TYW1B: variants seen among roughly 807,000 people sequenced by gnomAD.
TYW1B encodes the protein tRNA-yW synthesizing protein 1 homolog B.
Under a neutral mutation model 86.9 loss-of-function variants are expected in TYW1B, and 73 were observed. The ratio of observed to expected loss-of-function variants is 0.84; its 90% CI spans 0.70 to 1.02. The LOEUF is 1.02. Ranked by LOEUF, TYW1B falls within the 50% of genes least tolerant of loss-of-function variation. The pLI, the probability that TYW1B is intolerant of heterozygous loss-of-function variation, is 0.00. For missense variants in TYW1B, 637 were observed against 827.4 expected, an observed-to-expected ratio of 0.77 and a Z score of 2.82; for synonymous variants, 248 against 292.8, an observed-to-expected ratio of 0.85 and a Z score of 1.56.
At chr7:72,693,880 A>G (rs1316732187) in intron 11 of TYW1B, among the ~76,000 whole-genome samples, 6 of 152,228 alleles carry the variant, frequency 3.9e-5, no homozygotes, top group Admixed American at 3.3e-4. Flanking sequence ...ACTACATATT[A>G]TAAGTAATGT....
intron 7 of TYW1B, among the ~76,000 whole-genome samples, chr7:72,748,339 G>A (rs1787432447): frequency 6.6e-6 from 1 of 152,004 alleles, no homozygotes. Context: ...GCTGAACTCA[G>A]GTTCTAGGAA....
At chr7:72,752,013 A>G (rs1787509040) in intron 7 of TYW1B, among the ~76,000 whole-genome samples, 1 of 152,208 alleles carries the variant, frequency 6.6e-6, no homozygotes, top group South Asian at 2.1e-4. Flanking sequence ...CTTTTGTGGC[A>G]GCTTGTCTGG....
At chr7:72,577,071 G>C (rs1240305853) in intron 13 of TYW1B, among the ~76,000 whole-genome samples, 1 of 151,822 alleles carries the variant, frequency 6.6e-6, no homozygotes, top group African/African-American at 2.4e-5. Flanking sequence ...AGGTTGCAGT[G>C]AGCCAAGACC....
At position 72,773,908 on chromosome 7, in the gene TYW1B, T is replaced by C. The variant is rs192898341; in HGVS notation, c.964+3508A>G. Among the ~76,000 whole-genome samples the C allele has an allele frequency of 9.9e-5, 15 of 151,544 alleles. No homozygotes were observed. In the East Asian group the frequency reaches 2.9e-3, roughly 29 times the overall value. ...GGTGAAACCCTGTCTCTACTAAAAA[T>C]ACAAAAATTAGCCAGGTGTGGTGGC... On this transcript the variant is annotated intron_variant, in intron 7 of 13. Transcript: ENST00000620995.
chr7:72,806,455 C>T (rs1199334595), intron 5 of TYW1B, among the ~76,000 whole-genome samples: 1 of 151,972 alleles, frequency 6.6e-6, no homozygotes, highest in Non-Finnish European at 1.5e-5. Context: ...AGCATGGTCT[C>T]GAACTCTTGA....
At chr7:72,705,454 T>C (rs1453940178) in intron 10 of TYW1B, among the ~76,000 whole-genome samples, 2 of 152,010 alleles carry the variant, frequency 1.3e-5, no homozygotes, top group Admixed American at 1.3e-4. Flanking sequence ...GAGCAGGAGG[T>C]GAGTCTGAGA....
At chr7:72,605,594 C>T (rs1370596329) in intron 13 of TYW1B, among the ~76,000 whole-genome samples, 15 of 152,212 alleles carry the variant, frequency 9.9e-5, no homozygotes, top group African/African-American at 2.2e-4. Flanking sequence ...CCTCATGATC[C>T]GCCCACTTCG....
chr7:72,633,512 A>G (rs1812593170), intron 11 of TYW1B, among the ~76,000 whole-genome samples: 1 of 152,234 alleles, frequency 6.6e-6, no homozygotes, highest in Non-Finnish European at 1.5e-5. Flanking sequence ...ACATGAATGT[A>G]TAACTCCAGG....
intron 13 of TYW1B, among the ~76,000 whole-genome samples, chr7:72,584,071 G>C (rs111917554): frequency 6.6e-5 from 10 of 152,294 alleles, no homozygotes; most frequent in African/African-American, 2.4e-4. Context: ...TTTAGAGACA[G>C]GGTCTTCCTC....
intron 9 of TYW1B, among the ~76,000 whole-genome samples, chr7:72,715,340 G>A (rs1455392728): frequency 7.2e-5 from 11 of 152,170 alleles, no homozygotes; most frequent in East Asian, 3.9e-4. Context: ...ATTAAATCAC[G>A]GTCTCTGGGG....
chr7:72,732,032 A>C (rs1254324024), intron 8 of TYW1B, among the ~76,000 whole-genome samples: 1 of 151,908 alleles, frequency 6.6e-6, no homozygotes, highest in African/African-American at 2.4e-5. Flanking sequence ...CTGTAAAACA[A>C]CACCAAGGAA....
chr7:72,726,182 C>G (rs1452556001), intron 9 of TYW1B, among the ~76,000 whole-genome samples: 4 of 151,934 alleles, frequency 2.6e-5, no homozygotes, highest in African/African-American at 7.3e-5. Flanking sequence ...AATTTGTACC[C>G]CTACCTCCCA....
intron 1 of TYW1B, among the ~76,000 whole-genome samples, chr7:72,827,410 G>C (rs539061417): frequency 6.7e-6 from 1 of 148,152 alleles, no homozygotes; most frequent in African/African-American, 2.6e-5. Context: ...TCCATCTCGT[G>C]GGGGGGGCGG....
At chr7:72,617,502 G>C (rs113079905) in intron 12 of TYW1B, among the ~76,000 whole-genome samples, 15,866 of 152,078 alleles carry the variant, frequency 0.1, 904 homozygotes, top group Non-Finnish European at 0.11. Flanking sequence ...GAGTAGCTGG[G>C]ATTACAGGCG....
At chr7:72,799,699 T>C (rs1788372002) in intron 6 of TYW1B, among the ~76,000 whole-genome samples, 10 of 151,420 alleles carry the variant, frequency 6.6e-5, no homozygotes, top group Admixed American at 6.6e-4. Context: ...TCACCTGACC[T>C]CGTGATCTGC....
intron 12 of TYW1B, among the ~76,000 whole-genome samples, chr7:72,626,070 T>C (rs1812342381): frequency 6.6e-6 from 1 of 151,854 alleles, no homozygotes; most frequent in Non-Finnish European, 1.5e-5. Flanking sequence ...AGCTGATACA[T>C]ATATTTTCAG....
chr7:72,771,155 G>T (rs13223287), intron 7 of TYW1B, among the ~76,000 whole-genome samples: 104,737 of 151,734 alleles, frequency 0.69, 37,111 homozygotes, highest in Non-Finnish European at 0.77. Flanking sequence ...TAGAAACGGG[G>T]TTTCACCATT....
intron 7 of TYW1B, among the ~76,000 whole-genome samples, chr7:72,762,017 C>T (rs1787693102): frequency 6.6e-6 from 1 of 151,970 alleles, no homozygotes; most frequent in Admixed American, 6.6e-5. Context: ...TTTCTAAAAA[C>T]TGATCTATTA....
At chr7:72,809,257 A>T (rs1476573546) in intron 4 of TYW1B, among the ~76,000 whole-genome samples, 1 of 151,700 alleles carries the variant, frequency 6.6e-6, no homozygotes. Flanking sequence ...GTTAGCCACG[A>T]TGATCTCGAT....
Sources: gnomAD v4.1 joint callset for allele counts (sites outside exome capture counted in the v4.1 genomes callset) on GRCh38, gnomAD v4.1.1 for gene constraint, MANE v1.5 for transcripts, NCBI Gene and HGNC (gene_info 2026-07-23, HGNC 2026-07-21) for gene names.